The following TTC29 variants were observed in gnomAD, a reference collection of about 807,000 sequenced individuals.
The protein encoded by TTC29 is tetratricopeptide repeat protein 29.
In TTC29, 49 loss-of-function variants were observed where a neutral mutation model predicts 58.1. The observed-to-expected ratio is 0.84, with a 90% CI of 0.67 to 1.07. The LOEUF is 1.07. Ranked by LOEUF, TTC29 falls within the 50% of genes least tolerant of loss-of-function variation. The pLI is 0.00. For synonymous variants in TTC29, 209 were observed against 196.8 expected, an observed-to-expected ratio of 1.06 and a Z score of -0.52; for missense variants, 582 against 555.6, an observed-to-expected ratio of 1.05 and a Z score of -0.48.
intron 6 of TTC29, among the ~76,000 whole-genome samples, chr4:146,885,195 T>C (rs535578287): frequency 2.6e-5 from 4 of 151,954 alleles, no homozygotes; most frequent in East Asian, 3.9e-4. Flanking sequence ...CACTACCCTA[T>C]AACTGACCCA....
At chr4:146,858,557 G>A (rs956623194) in intron 8 of TTC29, among the ~76,000 whole-genome samples, 2 of 152,102 alleles carry the variant, frequency 1.3e-5, no homozygotes, top group South Asian at 2.1e-4. Flanking sequence ...TGAGAATACC[G>A]TAGGTCTAGA....
intron 8 of TTC29, among the ~76,000 whole-genome samples, chr4:146,843,160 A>G (rs773473105): frequency 3.9e-5 from 6 of 152,160 alleles, no homozygotes; most frequent in Non-Finnish European, 8.8e-5. Context: ...GGAAGATAAT[A>G]CACATGAAGG....
intron 11 of TTC29, among the ~76,000 whole-genome samples, chr4:146,759,794 T>C (rs1368656202): frequency 6.6e-6 from 1 of 152,124 alleles, no homozygotes; most frequent in Admixed American, 6.5e-5. Context: ...CTTAATGTAG[T>C]AAAAGCCATC....
At chr4:146,932,789 G>C (rs1342829446) in intron 4 of TTC29, among the ~76,000 whole-genome samples, 1 of 152,164 alleles carries the variant, frequency 6.6e-6, no homozygotes, top group Non-Finnish European at 1.5e-5. Context: ...AGGCGCGGTG[G>C]TTCACGCCTG....
chr4:146,937,626 A>T lies in TTC29; in HGVS notation c.144T>A (p.Asn48Lys). 1 of 1,538,064 alleles carries T rather than the reference A, an allele frequency of 6.5e-7. No individual in the cohort carries two copies. The highest frequency in any genetic ancestry group is 8.8e-7 in the Non-Finnish European group (1 of 1,138,174). ...KDDIDHYLEV[N>K]FKGLSKEEVA... The stretch of plus-strand genomic sequence containing the variant: ...CTTCCTCTTTTGATAATCCTTTGAA[A>T]TTTACCTCTAGATAATGATCTATGT... Residue 48 changes from asparagine to lysine, a missense_variant, in exon 4 of 13, where the codon AAT becomes AAA. Transcript: ENST00000325106.
intron 11 of TTC29, among the ~76,000 whole-genome samples, chr4:146,776,616 TCTC>T (rs953710000): frequency 6.6e-6 from 1 of 152,138 alleles, no homozygotes; most frequent in Non-Finnish European, 1.5e-5. Context: ...CCAACTTTGT[TCTC>T]TGGCCCCTGG....
At chr4:146,837,068 A>C (rs762504736) in intron 8 of TTC29, among the ~76,000 whole-genome samples, 2 of 152,176 alleles carry the variant, frequency 1.3e-5, no homozygotes, top group Non-Finnish European at 2.9e-5. Context: ...AGCACTATTC[A>C]CAATAGCCAA....
chr4:146,848,853 G>A (rs1407962722), intron 8 of TTC29, among the ~76,000 whole-genome samples: 1 of 152,172 alleles, frequency 6.6e-6, no homozygotes, highest in African/African-American at 2.4e-5. Context: ...TGGAAAGTTG[G>A]CATCACATCA....
chr4:146,926,728 G>A (rs1469613806), intron 4 of TTC29, among the ~76,000 whole-genome samples: 3 of 152,076 alleles, frequency 2.0e-5, no homozygotes, highest in African/African-American at 4.8e-5. Flanking sequence ...CTCCCAAAGT[G>A]CTGGGATTAC....
intron 10 of TTC29, among the ~76,000 whole-genome samples, chr4:146,812,546 A>G (rs1159883665): frequency 6.6e-6 from 1 of 152,164 alleles, no homozygotes; most frequent in Non-Finnish European, 1.5e-5. Context: ...ATTAGATCTT[A>G]TTTATAAGTG....
chr4:146,919,255 GTTC>G (rs1734431250), intron 4 of TTC29, among the ~76,000 whole-genome samples: 1 of 151,050 alleles, frequency 6.6e-6, no homozygotes, highest in African/African-American at 2.4e-5. Context: ...ATGGATTCTT[GTTC>G]TTTTCTTTCA....
chr4:146,715,698 T>C (rs1444162645), intron 11 of TTC29, among the ~76,000 whole-genome samples: 2 of 152,128 alleles, frequency 1.3e-5, no homozygotes, highest in African/African-American at 4.8e-5. Flanking sequence ...TGGTGTTCTG[T>C]AGAATTGCAG....
rs188355795 is a variant in TTC29, at chr4:146,738,722, T to C, written c.1331-31171A>G. 2.8e-4 allele frequency among the ~76,000 whole-genome samples: 43 copies of C among 152,274 alleles called. No individual in the cohort carries two copies. The East Asian group carries it at 8.1e-3, about 29-fold the overall frequency. ...TTTCACCTGCCCCGCAGCGAGACTCTAATCTTACCCAGCCTTTGTGATTGC... is the reference window on the plus strand; with the variant it reads ...TTTCACCTGCCCCGCAGCGAGACTCCAATCTTACCCAGCCTTTGTGATTGC... On this transcript the variant is annotated intron_variant, in intron 11 of 12. Coordinates refer to ENST00000325106, the MANE Select transcript of TTC29 (RefSeq NM_031956.4).
intron 6 of TTC29, among the ~76,000 whole-genome samples, chr4:146,885,516 C>A (rs1731924112): frequency 6.6e-6 from 1 of 151,952 alleles, no homozygotes; most frequent in South Asian, 2.1e-4. Flanking sequence ...TATTTATTTT[C>A]ATAATCATAT....
At chr4:146,828,271 TAA>T (rs1206136499) in intron 9 of TTC29, among the ~76,000 whole-genome samples, 5 of 152,152 alleles carry the variant, frequency 3.3e-5, no homozygotes, top group Non-Finnish European at 7.4e-5. Flanking sequence ...TTTGTGAAAC[TAA>T]AAGTTATTGA....
chr4:146,891,555 C>T (rs535031179), intron 6 of TTC29, among the ~76,000 whole-genome samples: 26 of 152,188 alleles, frequency 1.7e-4, no homozygotes, highest in Non-Finnish European at 3.1e-4. Flanking sequence ...CCATCACCAT[C>T]ATGTACAACA....
At chr4:146,916,809 A>G (rs1268709969) in intron 4 of TTC29, among the ~76,000 whole-genome samples, 1 of 151,516 alleles carries the variant, frequency 6.6e-6, no homozygotes, top group Non-Finnish European at 1.5e-5. Context: ...ATGGTATTCT[A>G]TCTCATCCAT....
chr4:146,825,105 A>G (rs1579766441), intron 9 of TTC29, among the ~76,000 whole-genome samples: 2 of 151,862 alleles, frequency 1.3e-5, no homozygotes, highest in African/African-American at 2.4e-5. Context: ...ATCTCCCTCA[A>G]TTCTTCTGTG....
rs566986689 is a variant in TTC29, at chr4:146,875,327, G to A, written c.587-399C>T. ...TCCTCAAAACAATCCAATGGAGTAG[G>A]ACTGTTCTGATTTCATATTACAGAA... On this transcript the variant is annotated intron_variant, in intron 6 of 12. Coordinates refer to ENST00000325106, the MANE Select transcript of TTC29 (RefSeq NM_031956.4). Among the ~76,000 whole-genome samples the A allele has an allele frequency of 1.5e-4, 23 of 152,244 alleles. No individual in the cohort carries two copies. In the South Asian group the frequency reaches 4.6e-3, roughly 30 times the overall value.
Sources: allele counts gnomAD v4.1 joint callset (sites outside exome capture counted in the v4.1 genomes callset), GRCh38; gene constraint gnomAD v4.1.1; transcripts MANE v1.5; gene names NCBI Gene and HGNC (gene_info 2026-07-23, HGNC 2026-07-21).